The following TAFA5 variants were observed in gnomAD, a reference collection of about 807,000 sequenced individuals.
TAFA5 encodes chemokine-like protein TAFA-5.
TAFA5 carries 6 observed loss-of-function variants against 15.3 expected under a neutral mutation model. The ratio of observed to expected loss-of-function variants is 0.39; its 90% CI spans 0.21 to 0.77. The LOEUF is 0.77. TAFA5 is among the 30% of genes least tolerant of loss of function. TAFA5 has a pLI of 0.41. For synonymous variants in TAFA5, 103 were observed against 80.7 expected, an observed-to-expected ratio of 1.28 and a Z score of -1.48; for missense variants, 161 against 193.1, an observed-to-expected ratio of 0.83 and a Z score of 0.98.
intron 2 of TAFA5, among the ~76,000 whole-genome samples, chr22:48,671,451 G>A (rs1392506401): frequency 1.3e-5 from 2 of 152,194 alleles, no homozygotes; most frequent in East Asian, 3.9e-4. Flanking sequence ...CCTGGGGTAC[G>A]TTCCACTCTC....
chr22:48,558,451 T>G (rs1366209567), intron 1 of TAFA5, among the ~76,000 whole-genome samples: 1 of 152,192 alleles, frequency 6.6e-6, no homozygotes, highest in African/African-American at 2.4e-5. Flanking sequence ...ATTTGCATTT[T>G]CAAGCAGCAG....
intron 1 of TAFA5, among the ~76,000 whole-genome samples, chr22:48,608,850 C>T (rs544181444): frequency 1.3e-5 from 2 of 152,370 alleles, no homozygotes; most frequent in Admixed American, 1.3e-4. Context: ...CTCTGTGCCC[C>T]ATGGCAAAGC....
intron 2 of TAFA5, among the ~76,000 whole-genome samples, chr22:48,682,929 T>G (rs945205497): frequency 1.2e-4 from 18 of 152,232 alleles, no homozygotes; most frequent in Admixed American, 7.9e-4. Context: ...AGTTTTTGAC[T>G]TTTGATTTCC....
intron 1 of TAFA5, among the ~76,000 whole-genome samples, chr22:48,511,475 CTGT>C (rs1314628528): frequency 6.6e-6 from 1 of 152,200 alleles, no homozygotes; most frequent in Non-Finnish European, 1.5e-5. Context: ...GAGCACATTC[CTGT>C]TGTTGGAAAA....
intron 3 of TAFA5, among the ~76,000 whole-genome samples, chr22:48,743,858 C>T (rs576674244): frequency 3.6e-4 from 55 of 152,348 alleles, no homozygotes; most frequent in African/African-American, 1.3e-3. Context: ...GATGATCCGT[C>T]CGCACATTCC....
At chr22:48,714,597 G>T (rs1398739317) in intron 3 of TAFA5, among the ~76,000 whole-genome samples, 1 of 152,154 alleles carries the variant, frequency 6.6e-6, no homozygotes, top group East Asian at 1.9e-4. Context: ...AGCCAAGCAT[G>T]GCAGGAACTT....
At chr22:48,597,089 G>A (rs28414748) in intron 1 of TAFA5, among the ~76,000 whole-genome samples, 54,168 of 152,060 alleles carry the variant, frequency 0.36, 10,407 homozygotes, top group East Asian at 0.55. Flanking sequence ...TTCCAGGTGT[G>A]AGTCACCACA....
intron 2 of TAFA5, among the ~76,000 whole-genome samples, chr22:48,663,970 A>C (rs371847157): frequency 6.6e-6 from 1 of 152,374 alleles, no homozygotes; most frequent in African/African-American, 2.4e-5. Context: ...TCTCAACTTC[A>C]TAAGGAAAGG....
intron 2 of TAFA5, chr22:48,693,471 A>G: frequency 3.8e-6 from 6 of 1,580,580 alleles, no homozygotes; most frequent in South Asian, 2.3e-5. Context: ...TGACTCAACC[A>G]TGGGTAGATG....
intron 1 of TAFA5, among the ~76,000 whole-genome samples, chr22:48,633,475 G>C (rs568691213): frequency 6.6e-6 from 1 of 151,136 alleles, no homozygotes; most frequent in South Asian, 2.1e-4. Context: ...CCTCTCTCTC[G>C]AGCTCCCTGC....
chr22:48,538,460 G>A (rs947683124), intron 1 of TAFA5, among the ~76,000 whole-genome samples: 4 of 152,212 alleles, frequency 2.6e-5, no homozygotes, highest in African/African-American at 9.7e-5. Flanking sequence ...ATACAGTATC[G>A]TCCATGTGGA....
chr22:48,570,379 C>T (rs1016132894), intron 1 of TAFA5, among the ~76,000 whole-genome samples: 6 of 152,156 alleles, frequency 3.9e-5, no homozygotes, highest in African/African-American at 1.2e-4. Context: ...ATATACATGA[C>T]GCATATGGTA....
chr22:48,722,564 G>C (rs998509588), intron 3 of TAFA5, among the ~76,000 whole-genome samples: 1 of 152,148 alleles, frequency 6.6e-6, no homozygotes, highest in Non-Finnish European at 1.5e-5. Context: ...TCGGGGTGGG[G>C]GGCTAGGGGA....
intron 2 of TAFA5, among the ~76,000 whole-genome samples, chr22:48,707,028 G>A (rs1929099066): frequency 6.6e-6 from 1 of 152,176 alleles, no homozygotes; most frequent in Non-Finnish European, 1.5e-5. Flanking sequence ...GGGAGCCAGT[G>A]CCCCCATCCA....
intron 2 of TAFA5, among the ~76,000 whole-genome samples, chr22:48,688,991 G>A (rs1358452865): frequency 5.0e-5 from 4 of 79,290 alleles, no homozygotes; most frequent in East Asian, 2.9e-4. Flanking sequence ...GACTTGTCTC[G>A]GAAAAAAAAA....
chr22:48,726,167 A>T (rs999657789), intron 3 of TAFA5, among the ~76,000 whole-genome samples: 1 of 152,248 alleles, frequency 6.6e-6, no homozygotes, highest in Non-Finnish European at 1.5e-5. Context: ...CGTTTTACTT[A>T]TGAATTTGTT....
At chr22:48,557,011 G>A (rs544390439) in intron 1 of TAFA5, among the ~76,000 whole-genome samples, 4 of 152,328 alleles carry the variant, frequency 2.6e-5, no homozygotes, top group East Asian at 1.9e-4. Context: ...GGCTGCAGCC[G>A]GGCCTGGCGT....
In TAFA5 at chr22:48,719,501, G is replaced by A. The variant is rs11914204; in HGVS notation, c.390+11657G>A. On this transcript the variant is annotated intron_variant, in intron 3 of 3. Coordinates refer to ENST00000402357, the MANE Select transcript of TAFA5 (RefSeq NM_001082967.3). ...CCAGAAGGATCGTGAAGGAAGAGGA[G>A]AGAGAAGGACATTCCCTACCCTCTC... 2.0e-5 allele frequency among the ~76,000 whole-genome samples: 3 copies of A among 152,310 alleles called. No individual in the cohort carries two copies. In the South Asian group the frequency reaches 6.2e-4, roughly 32 times the overall value.
chr22:48,750,030 G>A lies in TAFA5; in HGVS notation c.*183G>A, dbSNP rs952100955. ...ATCCTGAGCTTCGGTCTGTCCAGCC[G>A]ACCCGAGGAGGCCGGACTCAGACAC... On this transcript the variant is annotated 3_prime_UTR_variant, in exon 4 of 4. Coordinates refer to ENST00000402357, the MANE Select transcript of TAFA5 (RefSeq NM_001082967.3). 3.0e-4 allele frequency: 188 copies of A among 633,530 alleles called. No homozygotes were observed. The highest frequency in any genetic ancestry group is 2.1e-3 in the South Asian group (113 of 52,584). The allele number at this position is 633,530 out of a possible 1,614,324, so 39.2% of individuals were successfully genotyped here.
Sources: gnomAD v4.1 joint callset for allele counts (sites outside exome capture counted in the v4.1 genomes callset) on GRCh38, gnomAD v4.1.1 for gene constraint, MANE v1.5 for transcripts, NCBI Gene and HGNC (gene_info 2026-07-23, HGNC 2026-07-21) for gene names.